STRA6: variants seen among roughly 807,000 people sequenced by gnomAD.
The protein encoded by STRA6 is receptor for retinol uptake STRA6.
STRA6 carries 48 observed loss-of-function variants against 83.6 expected under a neutral mutation model. That is an observed-to-expected ratio of 0.57 (90% CI 0.46 to 0.73). STRA6 has a LOEUF of 0.73. Among genes scored for constraint, STRA6 ranks in the 30% least tolerant of loss-of-function variants. The pLI is 0.00. For missense variants in STRA6, 760 were observed against 838.8 expected (o/e 0.91, Z 1.16); for synonymous variants, 353 against 362.3 (o/e 0.97, Z 0.29).
chr15:74,189,387 T>C (rs1308670123), intron 11 of STRA6, 110 bp from the exon 12 acceptor site: 1 of 1,460,938 alleles, frequency 6.8e-7, no homozygotes, highest in Non-Finnish European at 9.3e-7. Flanking sequence ...CACATGCCCA[T>C]TGCCCATCAG....
Position 74,182,466 on chromosome 15 carries a change from AG to A in STRA6, c.1301-7del. 1 of 1,604,596 alleles carries A rather than the reference AG, an allele frequency of 6.2e-7. No homozygotes were observed. Among genetic ancestry groups the A allele is most frequent in the Non-Finnish European group, 8.5e-7 (1 of 1,175,638 alleles). ...GATCTGCTGCACCAGGAGCCCTGCC[AG>A]GGGCGGGAGTGGCAGGGGGACAGAA... is the stretch of plus-strand genomic sequence containing the variant. On this transcript the variant is annotated splice_region_variant and splice_polypyrimidine_tract_variant and intron_variant, in intron 14 of 18. Transcript: ENST00000395105.
At chr15:74,186,962 T>C (rs1167206100) in intron 12 of STRA6, among the ~76,000 whole-genome samples, 1 of 152,158 alleles carries the variant, frequency 6.6e-6, no homozygotes, top group Non-Finnish European at 1.5e-5. Context: ...GGTCCCTAGC[T>C]CCCTCCTCCA....
rs574088626 is a variant in STRA6 at position 74,202,079 on chromosome 15, C to T, written c.113+76G>A. On this transcript the variant is annotated intron_variant, in intron 2 of 18. Transcript: ENST00000395105. ...TAGCAGCCCCTGCCCAGGAGCTGCT[C>T]CCTGGCCAGTTGCAACCTCTGCCAT... The T allele has an allele frequency of 8.0e-6, 11 of 1,374,948 alleles. No individual in the cohort carries two copies. The East Asian group carries it at 1.6e-4, about 20-fold the overall frequency. 85.2% of individuals were successfully genotyped at this position (1,374,948 alleles called of 1,614,324 possible). A position where few individuals can be genotyped will look rare whatever the true frequency, so the allele number is the denominator to read the frequency against.
upstream of STRA6, among the ~76,000 whole-genome samples, chr15:74,210,352 AT>A (rs1209434115): frequency 6.6e-6 from 1 of 152,240 alleles, no homozygotes; most frequent in African/African-American, 2.4e-5. Flanking sequence ...GATAAAAAGA[AT>A]GAGGTAATTC....
chr15:74,208,170 T>G, intron 1 of STRA6: 3 of 570,840 alleles, frequency 5.3e-6, no homozygotes, highest in Non-Finnish European at 4.7e-6. Context: ...GCTAGGCTAG[T>G]ACTGACCTGG....
At chr15:74,209,931 C>G (rs2074344959), upstream of STRA6, among the ~76,000 whole-genome samples, 1 of 152,122 alleles carries the variant, frequency 6.6e-6, no homozygotes, top group South Asian at 2.1e-4. Flanking sequence ...GGAGTGCCAT[C>G]TATAAAAAGG....
rs777219777 is a variant in STRA6, at chr15:74,202,330, G to A, written c.-15-48C>T. The A allele has an allele frequency of 5.1e-6, 8 of 1,580,020 alleles. No individual in the cohort carries two copies. In the East Asian group the frequency reaches 1.8e-4, roughly 35 times the overall value. On this transcript the variant is annotated intron_variant, in intron 1 of 18. Coordinates refer to ENST00000395105, the MANE Select transcript of STRA6 (RefSeq NM_022369.4). Reference sequence around the variant, plus strand: ...AAAAAAGCCACTACAGATGTGAAAAGAGGCTTAAAAGAGAAAAAAAAAGAA... The same window carrying A: ...AAAAAAGCCACTACAGATGTGAAAAAAGGCTTAAAAGAGAAAAAAAAAGAA...
chr15:74,184,093 C>A, intron 13 of STRA6, 104 bp from the exon 14 acceptor site: 1 of 1,531,876 alleles, frequency 6.5e-7, no homozygotes, highest in East Asian at 2.3e-5. Context: ...AATTTCAACT[C>A]ACAGCCATCA....
intron 4 of STRA6, chr15:74,196,387 T>TGGAA (rs2073824908): frequency 3.4e-6 from 2 of 584,178 alleles, no homozygotes; most frequent in South Asian, 2.0e-5. Flanking sequence ...GCCCTAAGAC[T>TGGAA]GCTCCTCCGC....
chr15:74,209,380 A>T (rs2074332544), upstream of STRA6: 9 of 1,534,528 alleles, frequency 5.9e-6, no homozygotes, highest in Non-Finnish European at 7.8e-6. Flanking sequence ...CCCATCCATC[A>T]CTCCCAGGGG....
At chr15:74,196,403 C>G (rs1184352189) in intron 4 of STRA6, 2 of 532,470 alleles carry the variant, frequency 3.8e-6, no homozygotes, top group Admixed American at 6.4e-5. Flanking sequence ...TCCGCCCACC[C>G]TGGAAGCTCC....
Position 74,188,831 on chromosome 15 carries a change from T to C in STRA6, c.1090+284A>G, listed in dbSNP as rs1024548290. Among the ~76,000 whole-genome samples the C allele has an allele frequency of 1.3e-5, 2 of 151,834 alleles. No homozygotes were observed. The highest frequency in any genetic ancestry group is 3.9e-4 in the East Asian group (2 of 5,144). On this transcript the variant is annotated intron_variant, in intron 12 of 18. Coordinates refer to ENST00000395105, the MANE Select transcript of STRA6 (RefSeq NM_022369.4). This position sits in a 1 kb window ranked among gnomAD's most constrained non-coding sequence, Gnocchi z 4.5. Reference sequence around the variant, plus strand: ...CCCCCATCCCATGGCCTTCCTCATCTCCATGCCTGGATAGTTGGTCAGAGA... The same window carrying C: ...CCCCCATCCCATGGCCTTCCTCATCCCCATGCCTGGATAGTTGGTCAGAGA...
intron 8 of STRA6, 47 bp from the exon 9 acceptor site, chr15:74,191,538 C>CACGA: frequency 3.2e-6 from 5 of 1,541,452 alleles, no homozygotes; most frequent in Non-Finnish European, 4.5e-6. Flanking sequence ...TGCCTCGACC[C>CACGA]ATTCGTGGGT....
At position 74,181,287 on chromosome 15, in the gene STRA6, G is replaced by T; in HGVS notation, c.1684+8C>A. ...GAGCAATCCTCCAGCCCCGCCCAGTGACCTTACCGGGGTCGAGAGTGGCGG... is the reference window on the plus strand; with the variant it reads ...GAGCAATCCTCCAGCCCCGCCCAGTTACCTTACCGGGGTCGAGAGTGGCGG... On this transcript the variant is annotated splice_region_variant and intron_variant, in intron 17 of 18. Coordinates refer to ENST00000395105, the MANE Select transcript of STRA6 (RefSeq NM_022369.4). The T allele has an allele frequency of 6.2e-7, 1 of 1,612,910 alleles. No individual in the cohort carries two copies.
At chr15:74,184,274 C>T (rs1368205647) in intron 13 of STRA6, among the ~76,000 whole-genome samples, 1 of 152,224 alleles carries the variant, frequency 6.6e-6, no homozygotes, top group Non-Finnish European at 1.5e-5. Context: ...ATGGAAGTGA[C>T]ACACAGCACA....
At chr15:74,207,813 C>G in intron 1 of STRA6, 1 of 1,535,478 alleles carries the variant, frequency 6.5e-7, no homozygotes, top group Non-Finnish European at 8.7e-7. Context: ...CACACACATC[C>G]AACTGCCCTT....
At position 74,181,194 on chromosome 15, in the gene STRA6, G is replaced by A. The variant is rs1464314479; in HGVS notation, c.1684+101C>T. ...GGTGGCACATGCAGCTACAGGCATC[G>A]GTGTGAACTGATCAGCTGGCACGGC... On this transcript the variant is annotated intron_variant, in intron 17 of 18. Coordinates refer to ENST00000395105, the MANE Select transcript of STRA6 (RefSeq NM_022369.4). 14 of 1,530,164 alleles carry A rather than the reference G, an allele frequency of 9.1e-6. 1 individual carries two copies. Among genetic ancestry groups the A allele is most frequent in the East Asian group, 7.1e-5 (3 of 42,086 alleles). 94.8% of individuals were successfully genotyped at this position (1,530,164 alleles called of 1,614,324 possible).
intron 5 of STRA6, 133 bp downstream of exon 5, chr15:74,195,875 C>A: frequency 7.5e-7 from 1 of 1,335,862 alleles, no homozygotes; most frequent in Non-Finnish European, 1.0e-6. Flanking sequence ...AAGGTCACGT[C>A]TCAGGATAGC....
At position 74,208,389 on chromosome 15, in the gene STRA6, C is replaced by T. The variant is rs351221; in HGVS notation, c.-16+411G>A. 0.97 allele frequency among the ~76,000 whole-genome samples: 148,369 copies of T among 152,210 alleles called. 72,413 individuals carry two copies. Among genetic ancestry groups the T allele is most frequent in the East Asian group, 1 (5,168 of 5,168 alleles). ...CCCAGCACGTTCCTCCCTGGGCTGG[C>T]CACCGTGGTGTGGCCTTGAGATGTA... is the stretch of plus-strand genomic sequence containing the variant. On this transcript the variant is annotated intron_variant, in intron 1 of 18. Coordinates refer to the STRA6 transcript ENST00000323940.
Sources: allele counts gnomAD v4.1 joint callset (sites outside exome capture counted in the v4.1 genomes callset), GRCh38; gene constraint gnomAD v4.1.1; non-coding constraint Gnocchi (gnomAD v3.1); transcripts MANE v1.5; gene names NCBI Gene and HGNC (gene_info 2026-07-23, HGNC 2026-07-21).